SUMF1: variants seen among roughly 807,000 people sequenced by gnomAD.
SUMF1 encodes sulfatase modifying factor 1, also known as formylglycine-generating enzyme.
A neutral mutation model predicts 47.6 loss-of-function variants in SUMF1; 48 were observed. That is an observed-to-expected ratio of 1.01 (90% CI 0.80 to 1.28). SUMF1 has a LOEUF of 1.28. Ranked by LOEUF, SUMF1 falls within the 50% of genes most tolerant of loss-of-function variation. The pLI, the probability that SUMF1 is intolerant of heterozygous loss-of-function variation, is 0.00. For missense variants in SUMF1, 571 were observed against 485.4 expected, an observed-to-expected ratio of 1.18 and a Z score of -1.66; for synonymous variants, 230 against 192.1, an observed-to-expected ratio of 1.20 and a Z score of -1.63.
rs140825455 is a variant in SUMF1, at chr3:4,388,909, T to C, written c.955-12520A>G. 3.3e-5 allele frequency among the ~76,000 whole-genome samples: 5 copies of C among 152,296 alleles called. No homozygotes were observed. In the East Asian group the frequency reaches 9.6e-4, roughly 29 times the overall value. On this transcript the variant is annotated intron_variant, in intron 7 of 8. Coordinates refer to ENST00000272902, the MANE Select transcript of SUMF1 (RefSeq NM_182760.4). Reference sequence around the variant, plus strand: ...CCTTTAGCTTCTCTTGTGTATAATATAATCATATTAAATATTTCCTTTAAA... The same window carrying C: ...CCTTTAGCTTCTCTTGTGTATAATACAATCATATTAAATATTTCCTTTAAA...
At chr3:4,286,549 G>A (rs1697636870) in intron 8 of SUMF1, among the ~76,000 whole-genome samples, 1 of 152,076 alleles carries the variant, frequency 6.6e-6, no homozygotes. Flanking sequence ...TGGTGCTGAA[G>A]GTTTTATTGT....
At chr3:4,409,832 T>C (rs896728376) in intron 7 of SUMF1, among the ~76,000 whole-genome samples, 1 of 152,262 alleles carries the variant, frequency 6.6e-6, no homozygotes, top group African/African-American at 2.4e-5. Context: ...CCATGTGTTA[T>C]TCTGTGAAGA....
At chr3:4,111,224 C>T (rs2125069861) in intron 8 of SUMF1, among the ~76,000 whole-genome samples, 1 of 151,988 alleles carries the variant, frequency 6.6e-6, no homozygotes, top group South Asian at 2.1e-4. Flanking sequence ...TTTGGCCCTC[C>T]ATATACTGAG....
chr3:4,115,771 G>A (rs1412663822), intron 8 of SUMF1, among the ~76,000 whole-genome samples: 1 of 152,034 alleles, frequency 6.6e-6, no homozygotes, highest in Non-Finnish European at 1.5e-5. Flanking sequence ...ATGGTCTTAT[G>A]TTTTATTCTC....
intron 8 of SUMF1, among the ~76,000 whole-genome samples, chr3:4,188,817 A>G (rs946976596): frequency 2.6e-5 from 4 of 152,212 alleles, no homozygotes; most frequent in African/African-American, 7.2e-5. Flanking sequence ...CATTTTGAAT[A>G]GTGCCTTGTA....
At chr3:4,269,279 G>A (rs912388866) in intron 8 of SUMF1, among the ~76,000 whole-genome samples, 6 of 151,950 alleles carry the variant, frequency 3.9e-5, no homozygotes, top group South Asian at 2.1e-4. Flanking sequence ...CCATTAACTC[G>A]TCATTTAACA....
At chr3:4,303,860 C>G in intron 8 of SUMF1, 1 of 1,315,858 alleles carries the variant, frequency 7.6e-7, no homozygotes, top group Non-Finnish European at 1.0e-6. Flanking sequence ...TCTCAGGTGT[C>G]TCTCACAGGT....
In SUMF1 at chr3:4,095,104, T is replaced by C. The variant is rs181879929; in HGVS notation, c.1015-26359A>G. Among the ~76,000 whole-genome samples the C allele has an allele frequency of 2.2e-4, 34 of 152,304 alleles. No individual in the cohort carries two copies. In the East Asian group the frequency reaches 6.4e-3, roughly 28 times the overall value. On this transcript the variant is annotated intron_variant and NMD_transcript_variant, in intron 8 of 12. Transcript: ENST00000448413. ...GCTGTGTCACCTACAGTGTAATATT[T>C]ATACAGGATAGATCTCTCTAAATTA...
chr3:4,309,795 C>T (rs1698332522), intron 8 of SUMF1, among the ~76,000 whole-genome samples: 1 of 152,218 alleles, frequency 6.6e-6, no homozygotes, highest in East Asian at 1.9e-4. Flanking sequence ...TAGGTCATAT[C>T]AGCTGACTCC....
Position 4,390,609 on chromosome 3 carries a change from G to A in SUMF1, c.955-14220C>T, listed in dbSNP as rs375124150. ...GCAAAAAGGAAATAAAAGAGACAGG[G>A]TCTCACTCTGTCACCCAGGCTGGAG... On this transcript the variant is annotated intron_variant, in intron 7 of 8. Transcript: ENST00000272902. Among the ~76,000 whole-genome samples, 29 of 152,190 alleles carry A rather than the reference G, an allele frequency of 1.9e-4. No homozygotes were observed. In the East Asian group the frequency reaches 4.4e-3, roughly 23 times the overall value.
At chr3:4,162,401 T>C (rs1694600578) in intron 8 of SUMF1, among the ~76,000 whole-genome samples, 1 of 152,140 alleles carries the variant, frequency 6.6e-6, no homozygotes, top group Non-Finnish European at 1.5e-5. Flanking sequence ...TTGCAGTCCT[T>C]GTGGCCTAGA....
At chr3:4,069,148 G>C (rs1695453807) in intron 8 of SUMF1, among the ~76,000 whole-genome samples, 1 of 152,154 alleles carries the variant, frequency 6.6e-6, no homozygotes, top group African/African-American at 2.4e-5. Flanking sequence ...ATGTTGTAGG[G>C]AGAAAGAACA....
intron 8 of SUMF1, among the ~76,000 whole-genome samples, chr3:4,297,097 C>G (rs1697867882): frequency 6.6e-6 from 1 of 152,116 alleles, no homozygotes; most frequent in Non-Finnish European, 1.5e-5. Context: ...GGTCTCAGCT[C>G]CTGACCAAGA....
chr3:4,174,117 G>A (rs1199643799), intron 8 of SUMF1, among the ~76,000 whole-genome samples: 2 of 152,040 alleles, frequency 1.3e-5, no homozygotes, highest in Non-Finnish European at 2.9e-5. Context: ...AGCACTTCAG[G>A]AGGCTGAGGC....
At position 4,362,045 on chromosome 3, in the gene SUMF1, G is replaced by A; in HGVS notation, c.*99C>T. On this transcript the variant is annotated 3_prime_UTR_variant, in exon 9 of 9. Coordinates refer to ENST00000272902, the MANE Select transcript of SUMF1 (RefSeq NM_182760.4). ...GGGCAGGTATGTAACCCACCTCAGG[G>A]TGGGAATTCTTTGCATGGGATCGTT... 3.3e-6 allele frequency: 4 copies of A among 1,211,568 alleles called. No individual in the cohort carries two copies. In the Admixed American group the frequency reaches 7.4e-5, roughly 22 times the overall value. 75.1% of individuals were successfully genotyped at this position (1,211,568 alleles called of 1,614,324 possible). A position where few individuals can be genotyped will look rare whatever the true frequency, so the allele number is the denominator to read the frequency against.
chr3:4,314,103 C>A, intron 8 of SUMF1: 1 of 378,790 alleles, frequency 2.6e-6, no homozygotes, highest in Non-Finnish European at 4.8e-6. Context: ...GGAACTGGAG[C>A]AGTCATCCTA....
At chr3:4,339,326 G>T (rs1699220771) in intron 8 of SUMF1, among the ~76,000 whole-genome samples, 1 of 152,138 alleles carries the variant, frequency 6.6e-6, no homozygotes, top group African/African-American at 2.4e-5. Flanking sequence ...ACCCAAGGAA[G>T]CAGTCTCTGG....
intron 8 of SUMF1, among the ~76,000 whole-genome samples, chr3:4,230,126 C>T (rs941586043): frequency 6.6e-6 from 1 of 151,902 alleles, no homozygotes; most frequent in African/African-American, 2.4e-5. Context: ...TTGGTCTGTG[C>T]TGTTTCTACT....
At chr3:4,458,861 A>G (rs910640963) in intron 1 of SUMF1, among the ~76,000 whole-genome samples, 24 of 151,642 alleles carry the variant, frequency 1.6e-4, no homozygotes, top group Admixed American at 2.0e-4. Flanking sequence ...GTCTCAAGAG[A>G]AAAAAAAAGA....
Sources: gnomAD v4.1 joint callset for allele counts (sites outside exome capture counted in the v4.1 genomes callset) on GRCh38, gnomAD v4.1.1 for gene constraint, MANE v1.5 for transcripts, NCBI Gene and HGNC (gene_info 2026-07-23, HGNC 2026-07-21) for gene names.